Variants in EFCAB6 observed in about 807,000 individuals in gnomAD.
EFCAB6 encodes EF-hand calcium-binding domain-containing protein 6.
EFCAB6 carries 156 observed loss-of-function variants against 169.8 expected under a neutral mutation model. That is an observed-to-expected ratio of 0.92 (90% CI 0.81 to 1.05). The LOEUF is 1.05. EFCAB6 is among the 50% of genes least tolerant of loss of function. The pLI is 0.00. For synonymous variants in EFCAB6, 698 were observed against 676.4 expected, an observed-to-expected ratio of 1.03 and a Z score of -0.50; for missense variants, 1,800 against 1,829.1, an observed-to-expected ratio of 0.98 and a Z score of 0.29.
chr22:43,763,414 G>A (rs1207395734), intron 5 of EFCAB6, among the ~76,000 whole-genome samples: 1 of 152,038 alleles, frequency 6.6e-6, no homozygotes, highest in African/African-American at 2.4e-5. Context: ...TAGGTGTTGA[G>A]TATATTCACA....
At chr22:43,669,260 C>T (rs1469017826) in intron 15 of EFCAB6, among the ~76,000 whole-genome samples, 1 of 152,122 alleles carries the variant, frequency 6.6e-6, no homozygotes, top group East Asian at 1.9e-4. Flanking sequence ...TTTGTAACAG[C>T]CAAACATTAC....
intron 2 of EFCAB6, among the ~76,000 whole-genome samples, chr22:43,782,896 T>C (rs1358361959): frequency 6.6e-6 from 1 of 152,184 alleles, no homozygotes; most frequent in African/African-American, 2.4e-5. Context: ...AGAACATGCC[T>C]TGTGGCATTT....
At chr22:43,568,354 A>G (rs1377649012) in intron 26 of EFCAB6, among the ~76,000 whole-genome samples, 1 of 152,172 alleles carries the variant, frequency 6.6e-6, no homozygotes, top group Non-Finnish European at 1.5e-5. Context: ...CTTATTTGGG[A>G]CAATACGTTC....
intron 6 of EFCAB6, among the ~76,000 whole-genome samples, 159 bp downstream of exon 6, chr22:43,755,607 G>C (rs901789197): frequency 6.6e-6 from 1 of 152,136 alleles, no homozygotes; most frequent in Non-Finnish European, 1.5e-5. Context: ...ACAAGCTTTC[G>C]CACTGGCTTG....
chr22:43,679,543 T>A (rs2057918583), intron 12 of EFCAB6, among the ~76,000 whole-genome samples: 1 of 152,186 alleles, frequency 6.6e-6, no homozygotes, highest in Non-Finnish European at 1.5e-5. Context: ...ATTTAATTTT[T>A]ATAGAAACGG....
chr22:43,686,589 T>G (rs936857238), intron 11 of EFCAB6, among the ~76,000 whole-genome samples: 1 of 151,504 alleles, frequency 6.6e-6, no homozygotes, highest in East Asian at 1.9e-4. Context: ...TAACTTCACA[T>G]AACGAATGAA....
chr22:43,744,167 T>C lies in EFCAB6; in HGVS notation c.508-8174A>G, dbSNP rs909521633. ...GATGGATGGATGGATGATGGATAGA[T>C]GGGTAGATGGATGAATGGATGGATG... On this transcript the variant is annotated intron_variant, in intron 6 of 31. Transcript: ENST00000262726. The surrounding 1 kb of genome is among the most constrained non-coding windows in gnomAD (Gnocchi z 4.3). Among the ~76,000 whole-genome samples the C allele has an allele frequency of 2.7e-5, 4 of 148,524 alleles. No homozygotes were observed. Among genetic ancestry groups the C allele is most frequent in the African/African-American group, 1.0e-4 (4 of 38,446 alleles).
At position 43,744,888 on chromosome 22, in the gene EFCAB6, C is replaced by T. The variant is rs909649472; in HGVS notation, c.508-8895G>A. Among the ~76,000 whole-genome samples the T allele has an allele frequency of 1.3e-4, 20 of 152,136 alleles. No individual in the cohort carries two copies. Among genetic ancestry groups the T allele is most frequent in the African/African-American group, 4.3e-4 (18 of 41,424 alleles). On this transcript the variant is annotated intron_variant, in intron 6 of 31. Coordinates refer to ENST00000262726, the MANE Select transcript of EFCAB6 (RefSeq NM_022785.4). The surrounding 1 kb of genome is among the most constrained non-coding windows in gnomAD (Gnocchi z 4.3). ...CAGGCCCTACCCACTCCAGGGCCCTCGGGCTTGGAGGAGCTGAGAAGGGCG... is the reference window on the plus strand; with the variant it reads ...CAGGCCCTACCCACTCCAGGGCCCTTGGGCTTGGAGGAGCTGAGAAGGGCG...
chr22:43,704,970 T>C (rs1274370677), intron 10 of EFCAB6, among the ~76,000 whole-genome samples: 1 of 152,152 alleles, frequency 6.6e-6, no homozygotes, highest in African/African-American at 2.4e-5. Context: ...ACCAACTCTA[T>C]GCTGCCCACA....
chr22:43,582,192 T>C (rs777611388), intron 24 of EFCAB6, among the ~76,000 whole-genome samples: 1 of 152,252 alleles, frequency 6.6e-6, no homozygotes, highest in Non-Finnish European at 1.5e-5. Flanking sequence ...ATTTAGTTAA[T>C]TTATCTGCTA....
At chr22:43,611,226 T>C (rs907495114) in intron 21 of EFCAB6, among the ~76,000 whole-genome samples, 4 of 152,088 alleles carry the variant, frequency 2.6e-5, no homozygotes, top group Admixed American at 6.6e-5. Flanking sequence ...ACAGCAAAAT[T>C]AGGAATGTAA....
intron 30 of EFCAB6, 28 bp downstream of exon 30, chr22:43,534,660 C>A (rs760772353): frequency 6.4e-7 from 1 of 1,569,758 alleles, no homozygotes; most frequent in South Asian, 1.2e-5. Context: ...CCACCTGGCC[C>A]CACATTTCCT....
intron 3 of EFCAB6, among the ~76,000 whole-genome samples, chr22:43,777,767 G>T (rs938094243): frequency 2.6e-5 from 4 of 152,144 alleles, no homozygotes; most frequent in African/African-American, 9.7e-5. Flanking sequence ...TAATTTAAAA[G>T]AATCAGAAAA....
chr22:43,739,716 A>G (rs1196892359), intron 6 of EFCAB6, among the ~76,000 whole-genome samples: 2 of 152,064 alleles, frequency 1.3e-5, no homozygotes, highest in East Asian at 3.9e-4. Context: ...CATATGCAGT[A>G]TATCAGGAGA....
At chr22:43,641,078 T>C (rs1429388476) in intron 17 of EFCAB6, among the ~76,000 whole-genome samples, 1 of 152,160 alleles carries the variant, frequency 6.6e-6, no homozygotes, top group African/African-American at 2.4e-5. Flanking sequence ...AAATTGCTAT[T>C]GTGTAGAGAA....
At chr22:43,685,586 T>A (rs1232925247) in intron 11 of EFCAB6, among the ~76,000 whole-genome samples, 1 of 152,206 alleles carries the variant, frequency 6.6e-6, no homozygotes, top group Non-Finnish European at 1.5e-5. Flanking sequence ...TCACTGCATT[T>A]GTAAAAGATA....
chr22:43,607,355 G>A (rs1266866364), intron 22 of EFCAB6, among the ~76,000 whole-genome samples: 3 of 152,186 alleles, frequency 2.0e-5, no homozygotes, highest in Non-Finnish European at 4.4e-5. Context: ...AGTTGTTGCT[G>A]TACCATAGCT....
intron 6 of EFCAB6, among the ~76,000 whole-genome samples, chr22:43,738,926 T>C (rs1157775516): frequency 6.6e-6 from 1 of 152,186 alleles, no homozygotes; most frequent in Non-Finnish European, 1.5e-5. Flanking sequence ...ATCCTACCTA[T>C]GGCCAGGTGG....
chr22:43,761,019 C>A (rs145103083), intron 5 of EFCAB6, among the ~76,000 whole-genome samples: 21 of 152,312 alleles, frequency 1.4e-4, no homozygotes, highest in African/African-American at 5.1e-4. Flanking sequence ...AAAATATCAG[C>A]CTTCTTGATT....
Sources: gnomAD v4.1 joint callset for allele counts (sites outside exome capture counted in the v4.1 genomes callset) on GRCh38, gnomAD v4.1.1 for gene constraint, Gnocchi (gnomAD v3.1) non-coding constraint, MANE v1.5 for transcripts, NCBI Gene and HGNC (gene_info 2026-07-23, HGNC 2026-07-21) for gene names.